Variants in TRIOBP observed in about 807,000 individuals in gnomAD.
TRIOBP encodes TRIO and F-actin-binding protein.
In TRIOBP, 169 loss-of-function variants were observed where a neutral mutation model predicts 238.8. The ratio of observed to expected loss-of-function variants is 0.71; its 90% CI spans 0.62 to 0.80. TRIOBP has a LOEUF of 0.80. Ranked by LOEUF, TRIOBP falls within the 30% of genes least tolerant of loss-of-function variation. TRIOBP has a pLI of 0.00. For missense variants in TRIOBP, 2,838 were observed against 3,122.6 expected (o/e 0.91, Z 2.17); for synonymous variants, 1,150 against 1,274.4 (o/e 0.90, Z 2.08).
At chr22:37,736,473 C>T (rs142560068) in intron 9 of TRIOBP, among the ~76,000 whole-genome samples, 57 of 152,246 alleles carry the variant, frequency 3.7e-4, no homozygotes, top group Non-Finnish European at 7.1e-4. Context: ...AGGGCCTTGC[C>T]ATATGTGCCT....
intron 21 of TRIOBP, among the ~76,000 whole-genome samples, chr22:37,771,418 C>T (rs1438700089): frequency 6.6e-6 from 1 of 152,094 alleles, no homozygotes; most frequent in Non-Finnish European, 1.5e-5. Flanking sequence ...CAGACTTGAC[C>T]GTGAGATATC....
At chr22:37,769,665 T>C (rs1052744209) in intron 21 of TRIOBP, among the ~76,000 whole-genome samples, 2 of 152,192 alleles carry the variant, frequency 1.3e-5, no homozygotes, top group African/African-American at 4.8e-5. Context: ...CTGGGAAATA[T>C]TGGGGTAAGA....
At chr22:37,765,558 A>G in intron 17 of TRIOBP, 112 bp from the exon 18 acceptor site, 1 of 1,420,334 alleles carries the variant, frequency 7.0e-7, no homozygotes, top group South Asian at 1.2e-5. Context: ...AGGTGCTGGG[A>G]CCCAGGAGGA....
intron 11 of TRIOBP, chr22:37,751,334 T>C (rs1485263069): frequency 2.1e-5 from 7 of 334,784 alleles, no homozygotes; most frequent in East Asian, 8.2e-5. Flanking sequence ...GGCGGGCCCA[T>C]GGGAGGGTCC....
chr22:37,734,316 C>T lies in TRIOBP; in HGVS notation c.4063-83C>T, dbSNP rs941792778. ...GGCTGCTGTGTGGACACAGCCTTGACTCTCTGGGGGCCTAAGAAAGGCAGA... is the reference window on the plus strand; with the variant it reads ...GGCTGCTGTGTGGACACAGCCTTGATTCTCTGGGGGCCTAAGAAAGGCAGA... On this transcript the variant is annotated intron_variant, in intron 8 of 23. Transcript: ENST00000644935. 1.2e-5 allele frequency: 16 copies of T among 1,306,460 alleles called. No homozygotes were observed. The East Asian group carries it at 3.8e-4, about 31-fold the overall frequency. The allele number at this position is 1,306,460 out of a possible 1,614,324, so 80.9% of individuals were successfully genotyped here.
At chr22:37,732,570 G>A (rs1924479513) in intron 7 of TRIOBP, among the ~76,000 whole-genome samples, 2 of 149,074 alleles carry the variant, frequency 1.3e-5, no homozygotes, top group African/African-American at 4.9e-5. Context: ...CTCTGAAGTT[G>A]TCAGGGAGAA....
At chr22:37,711,594 AAC>A (rs1491011909) in intron 4 of TRIOBP, among the ~76,000 whole-genome samples, 2 of 41,774 alleles carry the variant, frequency 4.8e-5, no homozygotes, top group African/African-American at 8.7e-5. Flanking sequence ...AAAAAAAAAC[AAC>A]AAAAAAAAAA....
At chr22:37,712,687 T>A (rs928629814) in intron 4 of TRIOBP, among the ~76,000 whole-genome samples, 1 of 148,662 alleles carries the variant, frequency 6.7e-6, no homozygotes, top group African/African-American at 2.5e-5. Context: ...CTGGGCGCAG[T>A]GGCTCACGCC....
chr22:37,711,927 C>T (rs1923269920), intron 4 of TRIOBP, among the ~76,000 whole-genome samples: 1 of 152,144 alleles, frequency 6.6e-6, no homozygotes, highest in Non-Finnish European at 1.5e-5. Flanking sequence ...TCTGCAGCTC[C>T]CTCCCTCAGC....
intron 7 of TRIOBP, among the ~76,000 whole-genome samples, chr22:37,729,327 C>T (rs1924319101): frequency 6.6e-6 from 1 of 151,930 alleles, no homozygotes; most frequent in Admixed American, 6.6e-5. Flanking sequence ...GCGATTCTCT[C>T]ACCTCAGCCT....
chr22:37,732,654 C>T (rs187001246), intron 7 of TRIOBP, among the ~76,000 whole-genome samples: 45 of 151,996 alleles, frequency 3.0e-4, no homozygotes, highest in Admixed American at 2.0e-3. Flanking sequence ...CAAGGCTAAG[C>T]GCTGGGATTC....
chr22:37,717,909 G>T (rs1923610719), intron 6 of TRIOBP, among the ~76,000 whole-genome samples: 1 of 152,206 alleles, frequency 6.6e-6, no homozygotes, highest in Admixed American at 6.5e-5. Flanking sequence ...CATCGGGGAG[G>T]CTCGGGCTGC....
intron 16 of TRIOBP, among the ~76,000 whole-genome samples, chr22:37,758,683 A>T (rs4821706): frequency 7.8e-6 from 1 of 127,432 alleles, no homozygotes; most frequent in South Asian, 2.3e-4. Context: ...GTCTCAGATT[A>T]AAAAAAAAAA....
chr22:37,763,146 C>T (rs919466395), intron 17 of TRIOBP, among the ~76,000 whole-genome samples: 2 of 152,178 alleles, frequency 1.3e-5, no homozygotes, highest in African/African-American at 4.8e-5. Context: ...TTCAGAAGAG[C>T]AGTGCCCACC....
chr22:37,710,135 G>T (rs1219425519), intron 3 of TRIOBP, among the ~76,000 whole-genome samples: 2 of 152,212 alleles, frequency 1.3e-5, no homozygotes, highest in Admixed American at 6.5e-5. Context: ...GCAAGAGCTC[G>T]CTCCACCTAT....
intron 21 of TRIOBP, 127 bp from the exon 22 acceptor site, chr22:37,771,523 G>A (rs974081818): frequency 2.5e-6 from 2 of 806,244 alleles, no homozygotes; most frequent in African/African-American, 3.4e-5. Context: ...AGGATGTAGA[G>A]GGTTTTTGTG....
At chr22:37,764,551 G>A (rs1465478509) in intron 17 of TRIOBP, among the ~76,000 whole-genome samples, 5 of 152,150 alleles carry the variant, frequency 3.3e-5, no homozygotes, top group African/African-American at 1.2e-4. Context: ...TGGCTGTAGG[G>A]AATACCCTTG....
chr22:37,732,620 A>AC (rs1924481512), intron 7 of TRIOBP, among the ~76,000 whole-genome samples: 1 of 152,030 alleles, frequency 6.6e-6, no homozygotes, highest in Non-Finnish European at 1.5e-5. Context: ...TCTTTTGCCA[A>AC]CAGCTAGGAT....
In TRIOBP at chr22:37,740,877, C is replaced by T; in HGVS notation, c.5185-18C>T. On this transcript the variant is annotated intron_variant, in intron 10 of 23. Coordinates refer to ENST00000644935, the MANE Select transcript of TRIOBP (RefSeq NM_001039141.3). ...CTGCCAAAGGGACCTGGGGCCAACA[C>T]TGGACCCTGTTTGACAGGCAGACAA... 1 of 1,565,192 alleles carries T rather than the reference C, an allele frequency of 6.4e-7. No individual in the cohort carries two copies. Among genetic ancestry groups the T allele is most frequent in the South Asian group, 1.2e-5 (1 of 84,968 alleles).
Sources: gnomAD v4.1 joint callset for allele counts (sites outside exome capture counted in the v4.1 genomes callset) on GRCh38, gnomAD v4.1.1 for gene constraint, MANE v1.5 for transcripts, NCBI Gene and HGNC (gene_info 2026-07-23, HGNC 2026-07-21) for gene names.